Variants in NRG1 observed in about 807,000 individuals in gnomAD.
NRG1 encodes pro-neuregulin-1, membrane-bound isoform.
Under a neutral mutation model 63.8 loss-of-function variants are expected in NRG1, and 18 were observed. That is an observed-to-expected ratio of 0.28 (90% confidence interval 0.19 to 0.42). The LOEUF is 0.42. Ranked by LOEUF, NRG1 falls within the 10% of genes least tolerant of loss-of-function variation. The pLI is 1.00. For synonymous variants in NRG1, 302 were observed against 301.3 expected (o/e 1.00, Z -0.02); for missense variants, 762 against 814.7 (o/e 0.94, Z 0.79).
rs117858501 is a variant in NRG1 at position 31,992,082 on chromosome 8, C to T, written c.37+352651C>T. The stretch of plus-strand genomic sequence containing the variant: ...AGGCTCAGTGGCTCATACCTGTAAT[C>T]CAAGCACTTTGAGAGGCTGAGGTGA... On this transcript the variant is annotated intron_variant, in intron 1 of 10. Coordinates refer to the NRG1 transcript ENST00000519301. Among the ~76,000 whole-genome samples the T allele has an allele frequency of 7.0e-3, 1,058 of 151,882 alleles. 4 individuals carry two copies. Among genetic ancestry groups the T allele is most frequent in the Non-Finnish European group, 0.011 (727 of 67,922 alleles).
chr8:32,420,673 C>T (rs1347444283), intron 1 of NRG1, among the ~76,000 whole-genome samples: 1 of 152,032 alleles, frequency 6.6e-6, no homozygotes, highest in African/African-American at 2.4e-5. Context: ...GCTCTCATAA[C>T]AGTGCTTGAC....
chr8:32,515,567 C>A (rs563809230), intron 1 of NRG1, among the ~76,000 whole-genome samples: 100 of 152,000 alleles, frequency 6.6e-4, no homozygotes, highest in African/African-American at 2.3e-3. Context: ...CCTCAGCCCC[C>A]AAATAGCTGG....
At chr8:32,503,298 A>T (rs1828104759) in intron 1 of NRG1, among the ~76,000 whole-genome samples, 1 of 146,728 alleles carries the variant, frequency 6.8e-6, no homozygotes, top group Non-Finnish European at 1.5e-5. Context: ...GAAAAAAAAA[A>T]AAAAAAAAAA....
chr8:32,298,701 C>T (rs527607855), intron 1 of NRG1, among the ~76,000 whole-genome samples: 1 of 118,756 alleles, frequency 8.4e-6, no homozygotes, highest in Non-Finnish European at 1.7e-5. Context: ...GCAACAAGAG[C>T]GAAACTCAGT....
intron 1 of NRG1, among the ~76,000 whole-genome samples, chr8:31,995,285 C>T (rs1448464566): frequency 6.6e-6 from 1 of 151,946 alleles, no homozygotes; most frequent in African/African-American, 2.4e-5. Flanking sequence ...TTTATATATA[C>T]TGCTATGGTA....
intron 1 of NRG1, among the ~76,000 whole-genome samples, chr8:32,330,033 T>C (rs1176635205): frequency 1.1e-5 from 1 of 92,824 alleles, no homozygotes; most frequent in Non-Finnish European, 2.0e-5. Context: ...CCTCCACACC[T>C]AGCTAATTAA....
At chr8:31,846,978 G>T (rs1207168299) in intron 1 of NRG1, among the ~76,000 whole-genome samples, 1 of 152,142 alleles carries the variant, frequency 6.6e-6, no homozygotes, top group Non-Finnish European at 1.5e-5. Context: ...ACAAATATTT[G>T]CTGAATGAAT....
Position 31,995,489 on chromosome 8 carries a change from T to C in NRG1, c.37+356058T>C, listed in dbSNP as rs546859967. 9.2e-5 allele frequency among the ~76,000 whole-genome samples: 14 copies of C among 152,098 alleles called. No homozygotes were observed. The East Asian group carries it at 1.4e-3, about 15-fold the overall frequency. On this transcript the variant is annotated intron_variant, in intron 1 of 10. Transcript: ENST00000519301. ...AATAGGCTGTTTTCCTGGGATACCC[T>C]TGTGGCTTGTTAGAACACCCGGAGT... is the stretch of plus-strand genomic sequence containing the variant.
At chr8:32,487,431 T>A (rs997480587) in intron 1 of NRG1, among the ~76,000 whole-genome samples, 2 of 152,012 alleles carry the variant, frequency 1.3e-5, no homozygotes, top group Non-Finnish European at 2.9e-5. Flanking sequence ...TTTTTTTTTT[T>A]AATTCTTGCT....
chr8:31,854,289 A>T lies in NRG1; in HGVS notation c.37+214858A>T, dbSNP rs1439405944. On this transcript the variant is annotated intron_variant, in intron 1 of 10. Coordinates refer to the NRG1 transcript ENST00000519301. ...CTATTGATTACTGCCACAATTTCAG[A>T]TCCTGTTATTGGTCTACTCAGAGAT... Among the ~76,000 whole-genome samples the T allele has an allele frequency of 5.3e-5, 8 of 152,112 alleles. No individual in the cohort carries two copies. In the South Asian group the frequency reaches 1.7e-3, roughly 32 times the overall value.
At chr8:31,905,944 T>C (rs1832485854) in intron 1 of NRG1, among the ~76,000 whole-genome samples, 2 of 152,246 alleles carry the variant, frequency 1.3e-5, no homozygotes, top group South Asian at 2.1e-4. Context: ...GTTTAAATGA[T>C]ATGTTAAATA....
chr8:32,209,906 T>C (rs369127089), intron 1 of NRG1, among the ~76,000 whole-genome samples: 82 of 152,278 alleles, frequency 5.4e-4, no homozygotes, highest in African/African-American at 1.9e-3. Flanking sequence ...CTGGGTCTCT[T>C]TGTTATACAG....
chr8:32,042,841 A>G (rs1820290293), intron 1 of NRG1, among the ~76,000 whole-genome samples: 1 of 152,200 alleles, frequency 6.6e-6, no homozygotes. Context: ...ATTATTTCAT[A>G]TGAACAACAC....
intron 1 of NRG1, among the ~76,000 whole-genome samples, chr8:31,833,562 A>C (rs924434678): frequency 6.6e-6 from 1 of 152,218 alleles, no homozygotes; most frequent in Non-Finnish European, 1.5e-5. Flanking sequence ...TTCCTTGGGC[A>C]CCAGTGGTTG....
At chr8:31,964,617 A>G (rs1439413804) in intron 1 of NRG1, among the ~76,000 whole-genome samples, 1 of 152,176 alleles carries the variant, frequency 6.6e-6, no homozygotes, top group Non-Finnish European at 1.5e-5. Flanking sequence ...GTGAGCCATG[A>G]CAGCACCACT....
chr8:31,721,011 C>T (rs1812857982), intron 1 of NRG1, among the ~76,000 whole-genome samples: 2 of 152,084 alleles, frequency 1.3e-5, no homozygotes, highest in African/African-American at 4.8e-5. Flanking sequence ...TCTGCTCCAC[C>T]AAATAAATCA....
rs985968248 is a variant in NRG1 at position 32,045,518 on chromosome 8, C to A, written c.37+406087C>A. 3.8e-4 allele frequency among the ~76,000 whole-genome samples: 57 copies of A among 151,798 alleles called. 1 individual carries two copies. The highest frequency in any genetic ancestry group is 1.2e-3 in the African/African-American group (51 of 41,362). On this transcript the variant is annotated intron_variant, in intron 1 of 10. Transcript: ENST00000519301. The stretch of plus-strand genomic sequence containing the variant: ...TGAAAAGGCAAAGGAACTAGAACAG[C>A]CAAAGCACTTCTTGAAAGAAATGGA...
chr8:32,252,214 T>C (rs922137087), intron 1 of NRG1, among the ~76,000 whole-genome samples: 2 of 152,208 alleles, frequency 1.3e-5, no homozygotes, highest in African/African-American at 4.8e-5. Flanking sequence ...ATCCTGTTCA[T>C]CAATTTTGGA....
intron 1 of NRG1, among the ~76,000 whole-genome samples, chr8:32,322,354 T>TA (rs1288778513): frequency 0.019 from 2,566 of 136,384 alleles, 78 homozygotes; most frequent in African/African-American, 0.069. Flanking sequence ...GCAACCTTAT[T>TA]TTATATATAT....
Sources: gnomAD v4.1 joint callset for allele counts (sites outside exome capture counted in the v4.1 genomes callset) on GRCh38, gnomAD v4.1.1 for gene constraint, MANE v1.5 for transcripts, NCBI Gene and HGNC (gene_info 2026-07-23, HGNC 2026-07-21) for gene names.